Variants in RIC1 observed in about 807,000 individuals in gnomAD.
The protein encoded by RIC1 is guanine nucleotide exchange factor subunit RIC1.
In RIC1, 88 loss-of-function variants were observed where a neutral mutation model predicts 169.0. That is an observed-to-expected ratio of 0.52 (90% confidence interval 0.44 to 0.62). The LOEUF (loss-of-function observed/expected upper bound fraction) is 0.62, where lower values mean the gene tolerates loss of function less well. Ranked by LOEUF, RIC1 falls within the 20% of genes least tolerant of loss-of-function variation. The probability of loss-of-function intolerance (pLI) is 0.00; values close to 1 mark genes in which losing one functional copy is unlikely to be tolerated. For synonymous variants in RIC1, 790 were observed against 601.5 expected, an observed-to-expected ratio of 1.31 and a Z score of -4.59; for missense variants, 1,877 against 1,725.5, an observed-to-expected ratio of 1.09 and a Z score of -1.56.
chr9:5,750,185 T>C (rs906554178), intron 12 of RIC1, among the ~76,000 whole-genome samples: 3 of 151,892 alleles, frequency 2.0e-5, no homozygotes, highest in African/African-American at 7.3e-5. Flanking sequence ...GCACAAACTA[T>C]TGAAATTTTA....
intron 8 of RIC1, among the ~76,000 whole-genome samples, chr9:5,739,861 A>T (rs1042554602): frequency 9.2e-5 from 14 of 151,930 alleles, no homozygotes; most frequent in Admixed American, 8.5e-4. Context: ...GCAGGGTCCC[A>T]TTTTTTTCCA....
intron 6 of RIC1, among the ~76,000 whole-genome samples, chr9:5,722,574 T>A (rs1823671396): frequency 6.6e-6 from 1 of 152,192 alleles, no homozygotes; most frequent in South Asian, 2.1e-4. Flanking sequence ...TTTTATTTAC[T>A]TTTTTAAGTT....
chr9:5,773,797 C>T (rs1477366899), intron 25 of RIC1, among the ~76,000 whole-genome samples, 161 bp from the exon 26 acceptor site: 2 of 152,218 alleles, frequency 1.3e-5, no homozygotes, highest in Admixed American at 6.5e-5. Flanking sequence ...CTGGGCAGGA[C>T]AGCCAAGAAG....
At chr9:5,629,824 C>T (rs1817631020) in intron 1 of RIC1, among the ~76,000 whole-genome samples, 1 of 152,366 alleles carries the variant, frequency 6.6e-6, no homozygotes, top group East Asian at 1.9e-4. Context: ...AGAAATCCGG[C>T]CGCTGTGGTG....
intron 2 of RIC1, among the ~76,000 whole-genome samples, chr9:5,686,465 A>G (rs1010120788): frequency 1.1e-4 from 17 of 152,266 alleles, no homozygotes; most frequent in African/African-American, 2.4e-4. Context: ...TGATGAGTTC[A>G]TGTCCTTTGT....
intron 6 of RIC1, among the ~76,000 whole-genome samples, chr9:5,720,986 G>A (rs574455376): frequency 3.4e-4 from 51 of 152,180 alleles, no homozygotes; most frequent in South Asian, 1.2e-3. Flanking sequence ...CACTTTTGGA[G>A]GCAACTACTT....
rs1317191287 is a variant in RIC1 at position 5,753,613 on chromosome 9, C to CA, written c.1575dup (p.Trp526MetfsTer24). On this transcript the variant is annotated frameshift_variant, in exon 14 of 26. Transcript: ENST00000414202. LOFTEE classifies it high-confidence loss of function. ...GTTTTGCACATTACTCTTTACTCAC[C>CA]AAAAAATGGAAACTTTTTGGAAACA... is the stretch of plus-strand genomic sequence containing the variant. 6.2e-7 allele frequency: 1 copy of CA among 1,605,382 alleles called. No homozygotes were observed. Among genetic ancestry groups the CA allele is most frequent in the South Asian group, 1.1e-5 (1 of 89,626 alleles).
At chr9:5,743,938 C>G (rs547311198) in intron 10 of RIC1, among the ~76,000 whole-genome samples, 21 of 152,114 alleles carry the variant, frequency 1.4e-4, no homozygotes, top group Admixed American at 1.3e-4. Flanking sequence ...AGCTGAGACT[C>G]TAGGCACACC....
chr9:5,653,500 G>C (rs1789299565), intron 1 of RIC1, among the ~76,000 whole-genome samples: 1 of 152,212 alleles, frequency 6.6e-6, no homozygotes, highest in Non-Finnish European at 1.5e-5. Flanking sequence ...TATTAAATCT[G>C]TATATCAAGT....
intron 14 of RIC1, 139 bp downstream of exon 14, chr9:5,753,785 G>C (rs1196853921): frequency 2.2e-6 from 1 of 462,228 alleles, no homozygotes; most frequent in Non-Finnish European, 3.8e-6. Flanking sequence ...AAGTGATATT[G>C]AATAATATGT....
intron 2 of RIC1, among the ~76,000 whole-genome samples, chr9:5,686,011 A>G (rs532846254): frequency 5.7e-4 from 87 of 152,194 alleles, no homozygotes; most frequent in Non-Finnish European, 8.7e-4. Context: ...ATGCAGCCAA[A>G]AAACACATGA....
chr9:5,735,172 T>C (rs1824623963), intron 7 of RIC1, among the ~76,000 whole-genome samples: 1 of 152,098 alleles, frequency 6.6e-6, no homozygotes, highest in South Asian at 2.1e-4. Context: ...CTTTATAGAA[T>C]ATCCTGCATC....
chr9:5,721,687 C>G (rs943384536), intron 6 of RIC1, among the ~76,000 whole-genome samples: 1 of 152,116 alleles, frequency 6.6e-6, no homozygotes, highest in African/African-American at 2.4e-5. Flanking sequence ...GACCCTTGGC[C>G]AACTCCTGTC....
chr9:5,680,121 C>T (rs1447287608), intron 2 of RIC1, among the ~76,000 whole-genome samples: 3 of 152,154 alleles, frequency 2.0e-5, no homozygotes, highest in Non-Finnish European at 4.4e-5. Context: ...GTCTTTGGCT[C>T]TGTTTATATG....
chr9:5,718,868 A>G (rs1823425705), intron 4 of RIC1, among the ~76,000 whole-genome samples: 1 of 152,124 alleles, frequency 6.6e-6, no homozygotes, highest in South Asian at 2.1e-4. Context: ...ATAGTTGGGG[A>G]AAAAACAGCA....
intron 23 of RIC1, among the ~76,000 whole-genome samples, chr9:5,770,941 G>T (rs1309445202): frequency 6.6e-6 from 1 of 152,122 alleles, no homozygotes; most frequent in African/African-American, 2.4e-5. Context: ...ACAACAATTT[G>T]TCTGAGTTTG....
chr9:5,684,274 A>ACCCCCCACCCCCC (rs1821065308), intron 2 of RIC1, among the ~76,000 whole-genome samples: 1 of 7,630 alleles, frequency 1.3e-4, no homozygotes, highest in African/African-American at 2.9e-4. Flanking sequence ...TCTTGGCTCC[A>ACCCCCCACCCCCC]CCCCCCCCCC....
intron 3 of RIC1, among the ~76,000 whole-genome samples, chr9:5,697,736 C>A (rs1014453584): frequency 6.6e-6 from 1 of 152,184 alleles, no homozygotes; most frequent in African/African-American, 2.4e-5. Context: ...ACTGCCAGAA[C>A]TTTCTAGATC....
At chr9:5,673,340 ACC>A (rs904541266) in intron 2 of RIC1, among the ~76,000 whole-genome samples, 1 of 151,790 alleles carries the variant, frequency 6.6e-6, no homozygotes, top group Admixed American at 6.6e-5. Context: ...TTAAAATAAG[ACC>A]ATTTTTCACC....
Sources: allele counts gnomAD v4.1 joint callset (sites outside exome capture counted in the v4.1 genomes callset), GRCh38; gene constraint gnomAD v4.1.1; transcripts MANE v1.5; gene names NCBI Gene and HGNC (gene_info 2026-07-23, HGNC 2026-07-21).